GRIK4: variants seen among roughly 807,000 people sequenced by gnomAD.
GRIK4 encodes glutamate ionotropic receptor kainate type subunit 4.
GRIK4 carries 40 observed loss-of-function variants against 104.9 expected under a neutral mutation model. The observed-to-expected ratio is 0.38, with a 90% CI of 0.30 to 0.50. The LOEUF (loss-of-function observed/expected upper bound fraction) is 0.50, where lower values mean the gene tolerates loss of function less well. GRIK4 is among the 20% of genes least tolerant of loss of function. The pLI is 0.93. For missense variants in GRIK4, 1,047 were observed against 1,308.1 expected (o/e 0.80, Z 3.08); for synonymous variants, 485 against 524.9 (o/e 0.92, Z 1.04).
intron 3 of GRIK4, among the ~76,000 whole-genome samples, chr11:120,769,956 A>G (rs115967304): frequency 1.3e-5 from 2 of 152,182 alleles, no homozygotes; most frequent in Non-Finnish European, 2.9e-5. Context: ...CTTAACCAAT[A>G]TATAATTAAT....
intron 13 of GRIK4, among the ~76,000 whole-genome samples, chr11:120,935,566 A>G (rs1476272789): frequency 2.6e-5 from 4 of 152,190 alleles, no homozygotes; most frequent in Non-Finnish European, 5.9e-5. Context: ...AAATAAAAAT[A>G]CTAAATAAGT....
chr11:120,897,000 T>A (rs1565423989), intron 11 of GRIK4, among the ~76,000 whole-genome samples: 1 of 152,190 alleles, frequency 6.6e-6, no homozygotes, highest in Non-Finnish European at 1.5e-5. Flanking sequence ...TAGATATGTG[T>A]GTGTGTATTT....
At chr11:120,739,313 A>G (rs952816434) in intron 3 of GRIK4, among the ~76,000 whole-genome samples, 13 of 152,230 alleles carry the variant, frequency 8.5e-5, no homozygotes, top group African/African-American at 2.9e-4. Context: ...TGCTTACCAC[A>G]CAAATGGGGC....
At chr11:120,765,106 GTT>G (rs964280509) in intron 3 of GRIK4, among the ~76,000 whole-genome samples, 1 of 151,896 alleles carries the variant, frequency 6.6e-6, no homozygotes, top group African/African-American at 2.4e-5. Context: ...TCAAACGTAG[GTT>G]TTGTCTTTTC....
chr11:120,562,275 C>T (rs183307181), intron 1 of GRIK4, among the ~76,000 whole-genome samples: 16 of 152,272 alleles, frequency 1.1e-4, no homozygotes, highest in Non-Finnish European at 2.1e-4. Flanking sequence ...ACTCCAAAGC[C>T]GAGACTTTTA....
intron 12 of GRIK4, among the ~76,000 whole-genome samples, chr11:120,900,140 G>T (rs1236759890): frequency 1.3e-5 from 2 of 152,220 alleles, no homozygotes; most frequent in African/African-American, 4.8e-5. Flanking sequence ...GAAAGAAGGG[G>T]CATTGACGAT....
chr11:120,812,539 G>T (rs1591944635), intron 4 of GRIK4, among the ~76,000 whole-genome samples: 1 of 152,206 alleles, frequency 6.6e-6, no homozygotes, highest in African/African-American at 2.4e-5. Flanking sequence ...GTACCATTCT[G>T]AATGTTAAGT....
chr11:120,564,984 T>TGGGGGGG (rs148651543), intron 1 of GRIK4, among the ~76,000 whole-genome samples: 5 of 139,044 alleles, frequency 3.6e-5, no homozygotes, highest in Non-Finnish European at 6.3e-5. Context: ...TGCGGGGGGG[T>TGGGGGGG]GGGGGGGGTG....
In GRIK4 at chr11:120,753,086, G is replaced by C. The variant is rs529771252; in HGVS notation, c.83-49607G>C. Among the ~76,000 whole-genome samples, 40 of 152,370 alleles carry C rather than the reference G, an allele frequency of 2.6e-4. 1 individual carries two copies. The highest frequency in any genetic ancestry group is 2.5e-3 in the Admixed American group (39 of 15,310). ...GAGGCATCACTGCTCACCTCATCGTGTCCTTTACAGGAGAGCAGCTGAGCA... is the reference window on the plus strand; with the variant it reads ...GAGGCATCACTGCTCACCTCATCGTCTCCTTTACAGGAGAGCAGCTGAGCA... On this transcript the variant is annotated intron_variant, in intron 3 of 20. Transcript: ENST00000527524.
At chr11:120,958,374 G>A (rs1944213939) in intron 16 of GRIK4, among the ~76,000 whole-genome samples, 1 of 152,226 alleles carries the variant, frequency 6.6e-6, no homozygotes, top group Non-Finnish European at 1.5e-5. Context: ...GGCTCAGCGC[G>A]AATGCAAGCC....
At chr11:120,874,016 C>T (rs2135677927) in intron 9 of GRIK4, 50 bp from the exon 10 acceptor site, 1 of 1,541,020 alleles carries the variant, frequency 6.5e-7, no homozygotes, top group Non-Finnish European at 8.9e-7. Flanking sequence ...TCCCTTTCTT[C>T]CTCTACACCT....
At chr11:120,936,235 C>A in intron 13 of GRIK4, 2 of 452,568 alleles carry the variant, frequency 4.4e-6, no homozygotes, top group Non-Finnish European at 4.3e-6. Context: ...TTTCATATGG[C>A]CGCTAGTCAT....
chr11:120,941,624 A>G (rs1218839930), intron 14 of GRIK4, among the ~76,000 whole-genome samples: 1 of 152,212 alleles, frequency 6.6e-6, no homozygotes, highest in Non-Finnish European at 1.5e-5. Flanking sequence ...ACTCTAATCC[A>G]ATGTCTGACG....
intron 1 of GRIK4, among the ~76,000 whole-genome samples, chr11:120,640,967 C>T (rs920929645): frequency 6.6e-6 from 1 of 152,256 alleles, no homozygotes; most frequent in Non-Finnish European, 1.5e-5. Context: ...CCACCTTGGC[C>T]TCCCAAAGTG....
chr11:120,516,580 G>A (rs992123256), intron 1 of GRIK4, among the ~76,000 whole-genome samples: 3 of 152,062 alleles, frequency 2.0e-5, no homozygotes, highest in Non-Finnish European at 4.4e-5. Context: ...GCTCGGGGGA[G>A]CCGGTGAAGA....
chr11:120,818,691 C>A (rs1340159033), intron 5 of GRIK4, among the ~76,000 whole-genome samples: 1 of 152,238 alleles, frequency 6.6e-6, no homozygotes, highest in Non-Finnish European at 1.5e-5. Flanking sequence ...ACCATCCCAA[C>A]ATCTTCGCAG....
At position 120,956,647 on chromosome 11, in the gene GRIK4, A is replaced by C; in HGVS notation, c.1701-133A>C. ...ATTTTTTTTTTGGTTGCGAAACTCCAAGTCCAGCAAAGGGAAGTGGCTTGC... is the reference window on the plus strand; with the variant it reads ...ATTTTTTTTTTGGTTGCGAAACTCCCAGTCCAGCAAAGGGAAGTGGCTTGC... On this transcript the variant is annotated intron_variant, in intron 15 of 20. Transcript: ENST00000527524. The surrounding 1 kb of genome is among the most constrained non-coding windows in gnomAD (Gnocchi z 4.6). 1 of 509,878 alleles carries C rather than the reference A, an allele frequency of 2.0e-6. No homozygotes were observed. The highest frequency in any genetic ancestry group is 3.2e-5 in the East Asian group (1 of 31,724). The allele number at this position is 509,878 out of a possible 1,614,324, so 31.6% of individuals were successfully genotyped here.
chr11:120,825,069 T>C (rs1053750867), intron 6 of GRIK4, among the ~76,000 whole-genome samples: 1 of 151,488 alleles, frequency 6.6e-6, no homozygotes, highest in African/African-American at 2.4e-5. Context: ...GGATTACAGA[T>C]GTGAGCCACC....
At position 120,844,943 on chromosome 11, in the gene GRIK4, G is replaced by A. The variant is rs118081003; in HGVS notation, c.744+8099G>A. ...ACAGTCAGGCTGATTGTGACAAGTG[G>A]TCTCTCTGTCACCTGGGACTGTTTC... On this transcript the variant is annotated intron_variant, in intron 8 of 20. Transcript: ENST00000527524. Among the ~76,000 whole-genome samples, 365 of 152,294 alleles carry A rather than the reference G, an allele frequency of 2.4e-3. 6 individuals carry two copies. In the East Asian group the frequency reaches 0.062, roughly 26 times the overall value.
Sources: gnomAD v4.1 joint callset for allele counts (sites outside exome capture counted in the v4.1 genomes callset) on GRCh38, gnomAD v4.1.1 for gene constraint, Gnocchi (gnomAD v3.1) non-coding constraint, MANE v1.5 for transcripts, NCBI Gene and HGNC (gene_info 2026-07-23, HGNC 2026-07-21) for gene names.